Variants in PRDM16 observed in about 807,000 individuals in gnomAD.
PRDM16 encodes PR/SET domain 16.
In PRDM16, 23 loss-of-function variants were observed where a neutral mutation model predicts 110.6. The observed-to-expected ratio is 0.21, with a 90% CI of 0.15 to 0.29. The LOEUF (loss-of-function observed/expected upper bound fraction) is 0.29. PRDM16 is among the 10% of genes least tolerant of loss of function. The pLI, the probability that PRDM16 is intolerant of heterozygous loss-of-function variation, is 1.00. For missense variants in PRDM16, 1,615 were observed against 1,794.3 expected, an observed-to-expected ratio of 0.90 and a Z score of 1.81; for synonymous variants, 799 against 781.8, an observed-to-expected ratio of 1.02 and a Z score of -0.37.
At chr1:3,326,858 C>T (rs2483269) in intron 3 of PRDM16, among the ~76,000 whole-genome samples, 52,929 of 152,150 alleles carry the variant, frequency 0.35, 9,834 homozygotes, top group Middle Eastern at 0.49. Context: ...GGCTCCTGCC[C>T]CCACTGGGCC....
At chr1:3,249,488 C>T (rs1213541151) in intron 3 of PRDM16, among the ~76,000 whole-genome samples, 1 of 152,074 alleles carries the variant, frequency 6.6e-6, no homozygotes, top group South Asian at 2.1e-4. Flanking sequence ...CAACACAGAT[C>T]CCGCCGGAGT....
At chr1:3,180,950 A>C (rs1644147805) in intron 1 of PRDM16, among the ~76,000 whole-genome samples, 1 of 150,492 alleles carries the variant, frequency 6.6e-6, no homozygotes, top group South Asian at 2.1e-4. Context: ...GCAGCCTTAC[A>C]CACGCAGTCT....
chr1:3,368,224 G>C (rs903043309), intron 3 of PRDM16, among the ~76,000 whole-genome samples: 5 of 152,238 alleles, frequency 3.3e-5, no homozygotes, highest in Admixed American at 6.5e-5. Context: ...TTCATTAGGA[G>C]GCAGTCCCGA....
At chr1:3,181,661 TAC>T (rs1393850502) in intron 1 of PRDM16, among the ~76,000 whole-genome samples, 8 of 82,902 alleles carry the variant, frequency 9.6e-5, no homozygotes, top group Non-Finnish European at 1.5e-4. Context: ...CACACGGTCT[TAC>T]ACAGTCTTAC....
At chr1:3,079,354 G>C (rs144807835) in intron 1 of PRDM16, among the ~76,000 whole-genome samples, 1,569 of 152,128 alleles carry the variant, frequency 0.01, 23 homozygotes, top group African/African-American at 0.036. Flanking sequence ...TGTGCACAGG[G>C]CTCCTTCATG....
intron 14 of PRDM16, among the ~76,000 whole-genome samples, chr1:3,430,571 C>T (rs1056894263): frequency 3.9e-5 from 6 of 152,252 alleles, no homozygotes; most frequent in Admixed American, 2.6e-4. Flanking sequence ...CCACTGCTTC[C>T]ACCCCAACAC....
At chr1:3,285,974 G>C (rs1640835611) in intron 3 of PRDM16, among the ~76,000 whole-genome samples, 1 of 152,202 alleles carries the variant, frequency 6.6e-6, no homozygotes, top group Admixed American at 6.5e-5. Context: ...AATATCAAAA[G>C]AACATTTGAC....
intron 3 of PRDM16, among the ~76,000 whole-genome samples, chr1:3,366,927 GT>G (rs1642826424): frequency 6.6e-6 from 1 of 152,170 alleles, no homozygotes; most frequent in Non-Finnish European, 1.5e-5. Flanking sequence ...GCACGTGCGT[GT>G]TTTGTTTTGC....
chr1:3,378,020 A>G (rs938803938), intron 3 of PRDM16, among the ~76,000 whole-genome samples: 1 of 152,156 alleles, frequency 6.6e-6, no homozygotes, highest in Non-Finnish European at 1.5e-5. Flanking sequence ...CGGCTCCCAG[A>G]CGTGGCTGGA....
At chr1:3,247,818 T>A (rs537987049) in intron 3 of PRDM16, among the ~76,000 whole-genome samples, 1 of 152,352 alleles carries the variant, frequency 6.6e-6, no homozygotes, top group South Asian at 2.1e-4. Flanking sequence ...TGGCTGTGGG[T>A]CGGGCTGCGT....
At chr1:3,331,736 T>G (rs746580131) in intron 3 of PRDM16, among the ~76,000 whole-genome samples, 2 of 152,196 alleles carry the variant, frequency 1.3e-5, no homozygotes, top group Admixed American at 6.5e-5. Context: ...GACCCAGGGC[T>G]CCTGGGCTGC....
intron 3 of PRDM16, among the ~76,000 whole-genome samples, chr1:3,334,148 C>T (rs982293433): frequency 5.3e-5 from 8 of 152,322 alleles, no homozygotes; most frequent in Admixed American, 1.3e-4. Context: ...AGCTGCCAAA[C>T]GGAGACAGGC....
In PRDM16 at chr1:3,285,019, C is replaced by G. The variant is rs369237255; in HGVS notation, c.438+40882C>G. On this transcript the variant is annotated intron_variant, in intron 3 of 16. Coordinates refer to ENST00000270722, the MANE Select transcript of PRDM16 (RefSeq NM_022114.4). ...GTAGGTTTCTCTGGCCGGTATAGCC[C>G]TTGAGCATGGAACGCTTCACCTGGT... is the stretch of plus-strand genomic sequence containing the variant. Among the ~76,000 whole-genome samples the G allele has an allele frequency of 4.5e-4, 69 of 152,332 alleles. 2 individuals carry two copies. In the South Asian group the frequency reaches 5.8e-3, roughly 13 times the overall value.
intron 1 of PRDM16, among the ~76,000 whole-genome samples, chr1:3,176,932 C>A (rs1401792294): frequency 6.6e-6 from 1 of 152,042 alleles, no homozygotes; most frequent in African/African-American, 2.4e-5. Flanking sequence ...ATCCATCCAC[C>A]CATTCATTCA....
chr1:3,156,834 G>A (rs913078613), intron 1 of PRDM16, among the ~76,000 whole-genome samples: 2 of 152,216 alleles, frequency 1.3e-5, no homozygotes, highest in Non-Finnish European at 2.9e-5. Context: ...AGCAGAGGAA[G>A]TGGCTTCTGT....
At chr1:3,416,030 A>G (rs1039664769) in intron 10 of PRDM16, among the ~76,000 whole-genome samples, 11 of 152,246 alleles carry the variant, frequency 7.2e-5, no homozygotes, top group Admixed American at 6.5e-4. Flanking sequence ...TCAGGATGAG[A>G]GCATGCCTGC....
chr1:3,411,957 G>C lies in PRDM16; in HGVS notation c.1760G>C (p.Cys587Ser), dbSNP rs1159210644. The C allele has an allele frequency of 6.2e-7, 1 of 1,613,728 alleles. No individual in the cohort carries two copies. The highest frequency in any genetic ancestry group is 2.2e-5 in the East Asian group (1 of 44,862). ...TTCGAGAGCCGCCTGGAGGACTCCT[G>C]TGTGGAGAAGCTGAAGACCAGGAGC... ...EKFESRLEDS[C>S]VEKLKTRSSD... is the part of the protein sequence containing the mutation. Residue 587 changes from cysteine (C) to serine (S), a missense_variant, in exon 9 of 17, where the codon TGT becomes TCT. By Grantham distance (112) the Cys-to-Ser change is moderately radical (BLOSUM62 -1). Coordinates refer to ENST00000270722, the MANE Select transcript of PRDM16 (RefSeq NM_022114.4).
At chr1:3,414,458 G>C in intron 9 of PRDM16, 102 bp from the exon 10 acceptor site, 2 of 811,202 alleles carry the variant, frequency 2.5e-6, no homozygotes, top group East Asian at 2.6e-5. Flanking sequence ...CCTTGTGACT[G>C]GCCAGGTATA....
intron 3 of PRDM16, among the ~76,000 whole-genome samples, chr1:3,355,574 A>T (rs908239498): frequency 4.6e-5 from 7 of 152,096 alleles, no homozygotes; most frequent in African/African-American, 1.7e-4. Context: ...AGGCGTGCCC[A>T]AGAACAATAA....
Sources: gnomAD v4.1 joint callset for allele counts (sites outside exome capture counted in the v4.1 genomes callset) on GRCh38, gnomAD v4.1.1 for gene constraint, MANE v1.5 for transcripts, NCBI Gene and HGNC (gene_info 2026-07-23, HGNC 2026-07-21) for gene names.